Variants in GET4 observed in about 807,000 individuals in gnomAD.
GET4 encodes guided entry of tail-anchored proteins factor 4.
GET4 carries 20 observed loss-of-function variants against 40.0 expected under a neutral mutation model. The observed-to-expected ratio is 0.50, with a 90% confidence interval of 0.35 to 0.73. GET4 has a LOEUF of 0.73. Among genes scored for constraint, GET4 ranks in the 30% least tolerant of loss-of-function variants. GET4 has a pLI of 0.01. For missense variants in GET4, 557 were observed against 454.0 expected, an observed-to-expected ratio of 1.23 and a Z score of -2.06; for synonymous variants, 280 against 194.6, an observed-to-expected ratio of 1.44 and a Z score of -3.65.
intron 2 of GET4, 111 bp from the exon 3 acceptor site, chr7:886,458 T>G: frequency 1.3e-6 from 1 of 752,402 alleles, no homozygotes; most frequent in Admixed American, 2.1e-5. Flanking sequence ...CAGAAGAGAC[T>G]CCTCAGCACC....
At chr7:876,973 C>T (rs1433077452) in intron 1 of GET4, among the ~76,000 whole-genome samples, 173 bp downstream of exon 1, 1 of 151,744 alleles carries the variant, frequency 6.6e-6, no homozygotes, top group African/African-American at 2.4e-5. Context: ...TCTCCGGGGT[C>T]TGGCCCTGTG....
Position 884,424 on chromosome 7 carries a change from C to T in GET4, c.156-1632C>T, listed in dbSNP as rs78842754. 0.011 allele frequency: 13,485 copies of T among 1,203,698 alleles called. 339 individuals are homozygous for T. In the East Asian group the frequency reaches 0.15, roughly 13 times the overall value. The allele number at this position is 1,203,698 out of a possible 1,614,324, so 74.6% of individuals were successfully genotyped here. A position where few individuals can be genotyped will look rare whatever the true frequency, so the allele number is the denominator to read the frequency against. Reference sequence around the variant, plus strand: ...GTCTCCCTCCAGAACCTTCACTGTGCGGGGAGCACAGCAAAACCGGAGGCC... The same window carrying T: ...GTCTCCCTCCAGAACCTTCACTGTGTGGGGAGCACAGCAAAACCGGAGGCC... On this transcript the variant is annotated intron_variant, in intron 1 of 8. Transcript: ENST00000265857.
chr7:888,031 G>A (rs746472445), intron 4 of GET4, among the ~76,000 whole-genome samples: 9 of 152,178 alleles, frequency 5.9e-5, no homozygotes, highest in Non-Finnish European at 1.2e-4. Context: ...TGAACGAGGT[G>A]CTAATGGGGG....
At chr7:888,597 G>A (rs1309350071) in intron 4 of GET4, among the ~76,000 whole-genome samples, 3 of 152,252 alleles carry the variant, frequency 2.0e-5, no homozygotes, top group Non-Finnish European at 4.4e-5. Context: ...GCACCCACAG[G>A]GAGATGAGCC....
At chr7:878,850 A>T (rs536661129) in intron 1 of GET4, among the ~76,000 whole-genome samples, 2 of 152,334 alleles carry the variant, frequency 1.3e-5, no homozygotes, top group African/African-American at 4.8e-5. Context: ...AAGTGCTGGG[A>T]TTACAGGCGT....
Position 884,100 on chromosome 7 carries a change from G to T in GET4, c.156-1956G>T. The T allele has an allele frequency of 2.8e-5, 34 of 1,195,218 alleles. No homozygotes were observed. The Admixed American group carries it at 3.8e-4, about 13-fold the overall frequency. 74.0% of individuals were successfully genotyped at this position (1,195,218 alleles called of 1,614,324 possible). ...TTCCAGGGAGTCCTTTTTTTCTTCT[G>T]GTTTCTAAGTCGCCACCTCTTGCTT... On this transcript the variant is annotated intron_variant, in intron 1 of 8. Coordinates refer to ENST00000265857, the MANE Select transcript of GET4 (RefSeq NM_015949.3).
intron 4 of GET4, among the ~76,000 whole-genome samples, chr7:888,661 G>C (rs1844244858): frequency 6.6e-6 from 1 of 152,248 alleles, no homozygotes; most frequent in Non-Finnish European, 1.5e-5. Context: ...CTCAGAAGGG[G>C]CTGGCCCAGG....
chr7:883,750 C>T (rs1767521009), intron 1 of GET4: 4 of 987,578 alleles, frequency 4.1e-6, no homozygotes, highest in Non-Finnish European at 4.8e-6. Context: ...GGTACCTGTC[C>T]TGGCTTAGTC....
intron 1 of GET4, chr7:884,287 A>G (rs1585492038): frequency 1.5e-6 from 2 of 1,304,096 alleles, no homozygotes; most frequent in East Asian, 5.6e-5. Flanking sequence ...GCCCTGTGCC[A>G]GACGGCTCCC....
intron 1 of GET4, 164 bp from the exon 2 acceptor site, chr7:885,892 C>A: frequency 3.2e-6 from 2 of 617,832 alleles, no homozygotes; most frequent in South Asian, 3.7e-5. Flanking sequence ...GCAGGACACC[C>A]AGGATAGACC....
At position 891,018 on chromosome 7, in the gene GET4, G is replaced by A. The variant is rs762355270; in HGVS notation, c.557G>A (p.Arg186His). ...ATGCTGGTGGAGTATTCCACGTCCC[G>A]CGGCTTCCGCAGCGAGGTGGACATG... ...ANMLVEYSTS[R>H]GFRSEVDMFV... The change falls in exon 5 of 9, where the codon CGC becomes CAC. Residue 186 changes from arginine to histidine, a missense_variant. Arg to His is a conservative substitution (Grantham distance 29). Coordinates refer to ENST00000265857, the MANE Select transcript of GET4 (RefSeq NM_015949.3). 1.1e-5 allele frequency: 17 copies of A among 1,611,114 alleles called. No homozygotes were observed. Among genetic ancestry groups the A allele is most frequent in the South Asian group, 3.3e-5 (3 of 90,926 alleles).
chr7:876,980 T>C (rs1843968066), intron 1 of GET4, among the ~76,000 whole-genome samples, 180 bp downstream of exon 1: 2 of 151,658 alleles, frequency 1.3e-5, no homozygotes, highest in Admixed American at 1.3e-4. Context: ...GGTCTGGCCC[T>C]GTGTGGCCCG....
At chr7:880,439 G>C (rs1266427196) in intron 1 of GET4, 5 of 152,258 alleles carry the variant, frequency 3.3e-5, no homozygotes, top group Non-Finnish European at 7.3e-5. Context: ...CTACGGTGAC[G>C]AGGGATTTGT....
chr7:879,526 A>AGT (rs1158409205), intron 1 of GET4, among the ~76,000 whole-genome samples: 1 of 152,242 alleles, frequency 6.6e-6, no homozygotes, highest in African/African-American at 2.4e-5. Context: ...GGCTCAGGAC[A>AGT]GTGCATGTGG....
rs1046776188 is a variant in GET4, at chr7:884,602, C to T, written c.156-1454C>T. The T allele has an allele frequency of 1.9e-5, 5 of 260,832 alleles. No individual in the cohort carries two copies. The East Asian group carries it at 5.9e-4, about 31-fold the overall frequency. The allele number at this position is 260,832 out of a possible 1,614,324, so 16.2% of individuals were successfully genotyped here. ...AGGCTAATGAGATGCCCGGATGTGG[C>T]GGGGCTGTCTGTGTTTGGGGTCCCT... On this transcript the variant is annotated intron_variant, in intron 1 of 8. Coordinates refer to ENST00000265857, the MANE Select transcript of GET4 (RefSeq NM_015949.3).
At chr7:894,783 C>T (rs2363289) in intron 8 of GET4, among the ~76,000 whole-genome samples, 10 of 152,292 alleles carry the variant, frequency 6.6e-5, no homozygotes, top group South Asian at 2.1e-4. Flanking sequence ...TGTAACGTCT[C>T]GTTTGGGTTC....
At position 886,579 on chromosome 7, in the gene GET4, C is replaced by G. The variant is rs1377538414; in HGVS notation, c.245C>G (p.Ala82Gly). The part of the protein sequence containing the change: ...LFFSHGQQNS[A>G]ADLSMLVLES... ...TGCTTTCTCTTGTAGCAAAACAGTG[C>G]AGCAGACTTGTCCATGCTGGTCCTG... is the stretch of plus-strand genomic sequence containing the variant. Residue 82 changes from alanine (A) to glycine (G), a missense_variant, in exon 3 of 9, where the codon GCA (alanine) becomes GGA (glycine). Physicochemically the swap from Ala to Gly is moderately conservative, Grantham distance 60 (BLOSUM62 0). Coordinates refer to ENST00000265857, the MANE Select transcript of GET4 (RefSeq NM_015949.3). The G allele has an allele frequency of 3.7e-6, 6 of 1,611,548 alleles. No homozygotes were observed. The Admixed American group carries it at 1.0e-4, about 27-fold the overall frequency.
At chr7:878,171 G>T (rs984915057) in intron 1 of GET4, 2 of 439,910 alleles carry the variant, frequency 4.5e-6, no homozygotes, top group Non-Finnish European at 4.8e-6. Context: ...GGGCGAGCGC[G>T]AGCAGAGCTG....
At chr7:885,868 A>G (rs1294488464) in intron 1 of GET4, 188 bp from the exon 2 acceptor site, 1 of 597,100 alleles carries the variant, frequency 1.7e-6, no homozygotes. Context: ...CGCCCCATGC[A>G]GCCCTCATGG....
Sources: gnomAD v4.1 joint callset for allele counts (sites outside exome capture counted in the v4.1 genomes callset) on GRCh38, gnomAD v4.1.1 for gene constraint, MANE v1.5 for transcripts, NCBI Gene and HGNC (gene_info 2026-07-23, HGNC 2026-07-21) for gene names.